MUSK: variants seen among roughly 807,000 people sequenced by gnomAD.
MUSK encodes the protein muscle associated receptor tyrosine kinase.
A neutral mutation model predicts 88.7 loss-of-function variants in MUSK; 55 were observed. The observed-to-expected ratio is 0.62, with a 90% CI of 0.50 to 0.78. The LOEUF is 0.78. Among genes scored for constraint, MUSK ranks in the 30% least tolerant of loss-of-function variants. MUSK has a pLI of 0.00. For missense variants in MUSK, 1,015 were observed against 1,074.3 expected (o/e 0.94, Z 0.77); for synonymous variants, 387 against 391.9 (o/e 0.99, Z 0.15).
Position 110,669,011 on chromosome 9 carries a change from T to C in MUSK, c.79+28T>C, listed in dbSNP as rs1272697159. On this transcript the variant is annotated intron_variant, in intron 1 of 14. Transcript: ENST00000374448. ...TGGTTTGAGCAATCGTGTCTTCTTG[T>C]TGTCTTGTCATGGTTGTAAAGTGTG... is the stretch of plus-strand genomic sequence containing the variant. 5 of 1,578,598 alleles carry C rather than the reference T, an allele frequency of 3.2e-6. No homozygotes were observed. In the Admixed American group the frequency reaches 5.0e-5, roughly 16 times the overall value.
intron 5 of MUSK, among the ~76,000 whole-genome samples, chr9:110,715,472 A>G (rs1271085812): frequency 1.3e-5 from 2 of 148,930 alleles, no homozygotes; most frequent in South Asian, 4.2e-4. Context: ...TAAGGAAAGT[A>G]TCCTACTACT....
chr9:110,766,728 A>G (rs1284779910), intron 8 of MUSK, among the ~76,000 whole-genome samples: 2 of 152,214 alleles, frequency 1.3e-5, no homozygotes, highest in African/African-American at 2.4e-5. Flanking sequence ...AATTCTTTAT[A>G]TAAAGACAAT....
intron 6 of MUSK, among the ~76,000 whole-genome samples, chr9:110,740,955 C>T (rs1162866088): frequency 6.6e-6 from 1 of 152,018 alleles, no homozygotes; most frequent in Non-Finnish European, 1.5e-5. Flanking sequence ...CTCATAGAAG[C>T]ACAGAATAGA....
At chr9:110,722,936 C>T (rs1042898062) in intron 5 of MUSK, among the ~76,000 whole-genome samples, 20 of 151,966 alleles carry the variant, frequency 1.3e-4, no homozygotes, top group Admixed American at 3.9e-4. Flanking sequence ...TTGTTGGGAA[C>T]GTAAACTAGT....
chr9:110,745,997 CTG>C (rs1303842922), intron 6 of MUSK, among the ~76,000 whole-genome samples: 1 of 152,196 alleles, frequency 6.6e-6, no homozygotes, highest in African/African-American at 2.4e-5. Context: ...GCTAGTCAAA[CTG>C]TGAAAATCCT....
At chr9:110,704,826 A>G (rs2076575097) in intron 5 of MUSK, among the ~76,000 whole-genome samples, 4 of 152,050 alleles carry the variant, frequency 2.6e-5, no homozygotes, top group Admixed American at 2.6e-4. Flanking sequence ...TCTACTAAAA[A>G]TACAAAAAAT....
At chr9:110,705,888 A>C (rs528124841) in intron 5 of MUSK, among the ~76,000 whole-genome samples, 1 of 152,180 alleles carries the variant, frequency 6.6e-6, no homozygotes, top group East Asian at 1.9e-4. Flanking sequence ...ACCAGGGAAC[A>C]TCTTATTGTC....
intron 12 of MUSK, 141 bp downstream of exon 12, chr9:110,785,157 C>T (rs2077833533): frequency 2.7e-6 from 2 of 751,724 alleles, no homozygotes; most frequent in African/African-American, 1.8e-5. Flanking sequence ...TTAAGCACCC[C>T]CATCATGATC....
At chr9:110,734,499 G>T (rs753372025) in intron 6 of MUSK, 124 bp downstream of exon 6, 1 of 1,225,756 alleles carries the variant, frequency 8.2e-7, no homozygotes, top group East Asian at 2.4e-5. Flanking sequence ...ACTTTTCAAA[G>T]CCTCCCAATA....
At chr9:110,753,162 G>A (rs2077268503) in intron 7 of MUSK, among the ~76,000 whole-genome samples, 2 of 152,300 alleles carry the variant, frequency 1.3e-5, no homozygotes, top group African/African-American at 4.8e-5. Context: ...CGGGTGTGGT[G>A]ACTCACACCT....
chr9:110,767,742 A>T, intron 8 of MUSK, 78 bp from the exon 9 acceptor site: 3 of 1,530,932 alleles, frequency 2.0e-6, no homozygotes, highest in Non-Finnish European at 2.7e-6. Flanking sequence ...AGATGTGAAA[A>T]CCAAAAAAAA....
chr9:110,776,537 G>C (rs1279179847), intron 10 of MUSK, 95 bp from the exon 11 acceptor site: 3 of 987,340 alleles, frequency 3.0e-6, no homozygotes, highest in Non-Finnish European at 4.7e-6. Flanking sequence ...AAAAAGCTGA[G>C]AGAGAACTTG....
At chr9:110,790,635 T>C (rs1192852322) in intron 14 of MUSK, among the ~76,000 whole-genome samples, 1 of 152,154 alleles carries the variant, frequency 6.6e-6, no homozygotes, top group East Asian at 1.9e-4. Context: ...ATTGATTTAG[T>C]TTTCTCTGTG....
chr9:110,683,831 TA>T (rs1411637819), intron 2 of MUSK, among the ~76,000 whole-genome samples: 11 of 152,084 alleles, frequency 7.2e-5, no homozygotes, highest in Admixed American at 5.3e-4. Flanking sequence ...TGGATTAATA[TA>T]TTTTTTACTA....
chr9:110,695,348 T>C, intron 3 of MUSK, 55 bp from the exon 4 acceptor site: 1 of 1,216,112 alleles, frequency 8.2e-7, no homozygotes, highest in South Asian at 1.7e-5. Flanking sequence ...TTAGAAACTC[T>C]AGGTTTAATA....
At position 110,689,684 on chromosome 9, in the gene MUSK, T is replaced by TATATATATATATAAATATATAA. The variant is rs1491285358; in HGVS notation, c.358+2423_358+2424insTATATAAATATATAAATATATA. Among the ~76,000 whole-genome samples, 2 of 68,448 alleles carry TATATATATATATAAATATATAA rather than the reference T, an allele frequency of 2.9e-5. 1 individual carries two copies. 44.9% of individuals were successfully genotyped at this position (68,448 alleles called of 152,430 possible). On this transcript the variant is annotated intron_variant, in intron 3 of 14. Coordinates refer to ENST00000374448, the MANE Select transcript of MUSK (RefSeq NM_005592.4). ...ATATACATAGTATATTATATATAAC[T>TATATATATATATAAATATATAA]ATATATAGTTATATATAAATATATA...
At position 110,801,813 on chromosome 9, in the gene MUSK, G is replaced by A. The variant is rs1016064153; in HGVS notation, c.*825G>A. On this transcript the variant is annotated 3_prime_UTR_variant, in exon 15 of 15. Transcript: ENST00000374448. Reference sequence around the variant, plus strand: ...TAATCTTTATTTCTTCTTCTTTCCAGGACTTCTGTCCTTTTTTAGTTATTA... The same window carrying A: ...TAATCTTTATTTCTTCTTCTTTCCAAGACTTCTGTCCTTTTTTAGTTATTA... 6.6e-6 allele frequency among the ~76,000 whole-genome samples: 1 copy of A among 151,750 alleles called. No individual in the cohort carries two copies. Among genetic ancestry groups the A allele is most frequent in the Non-Finnish European group, 1.5e-5 (1 of 67,930 alleles).
intron 1 of MUSK, among the ~76,000 whole-genome samples, chr9:110,674,772 C>T (rs745489130): frequency 6.2e-4 from 94 of 151,816 alleles, no homozygotes; most frequent in Admixed American, 8.5e-4. Flanking sequence ...GCCACCATGC[C>T]GGCTAATTTT....
intron 9 of MUSK, among the ~76,000 whole-genome samples, chr9:110,772,814 T>C (rs903262879): frequency 3.9e-5 from 6 of 152,148 alleles, no homozygotes; most frequent in African/African-American, 1.4e-4. Flanking sequence ...CTGGTAAGTT[T>C]GATCTTCATT....
Sources: gnomAD v4.1 joint callset for allele counts (sites outside exome capture counted in the v4.1 genomes callset) on GRCh38, gnomAD v4.1.1 for gene constraint, MANE v1.5 for transcripts, NCBI Gene and HGNC (gene_info 2026-07-23, HGNC 2026-07-21) for gene names.